CEP112: variants seen among roughly 807,000 people sequenced by gnomAD.
The protein encoded by CEP112 is centrosomal protein of 112 kDa.
A neutral mutation model predicts 153.0 loss-of-function variants in CEP112; 127 were observed. The observed-to-expected ratio is 0.83, with a 90% CI of 0.72 to 0.96. The LOEUF (loss-of-function observed/expected upper bound fraction) is 0.96. CEP112 is among the 40% of genes least tolerant of loss of function. The probability of loss-of-function intolerance (pLI) is 0.00; values close to 1 mark genes in which losing one functional copy is unlikely to be tolerated. For missense variants in CEP112, 1,089 were observed against 1,101.2 expected (o/e 0.99, Z 0.16); for synonymous variants, 358 against 374.4 (o/e 0.96, Z 0.51).
intron 1 of CEP112, among the ~76,000 whole-genome samples, chr17:66,187,208 AG>A (rs1282657515): frequency 1.3e-5 from 2 of 151,750 alleles, no homozygotes; most frequent in East Asian, 3.9e-4. Context: ...TCTCTACTTG[AG>A]TCCATTTTCC....
chr17:65,659,014 T>G (rs1218063829), intron 24 of CEP112, among the ~76,000 whole-genome samples: 2 of 19,936 alleles, frequency 1.0e-4, no homozygotes, highest in African/African-American at 6.9e-4. Flanking sequence ...AGACTCTGTC[T>G]CAAAAAAAAA....
At chr17:65,775,743 T>C (rs913660539) in intron 21 of CEP112, among the ~76,000 whole-genome samples, 6 of 152,172 alleles carry the variant, frequency 3.9e-5, no homozygotes, top group Non-Finnish European at 7.3e-5. Context: ...CCTCAAGTGA[T>C]TCACCCGCCT....
At chr17:66,110,264 G>A (rs529653923) in intron 6 of CEP112, among the ~76,000 whole-genome samples, 12 of 152,052 alleles carry the variant, frequency 7.9e-5, no homozygotes, top group African/African-American at 2.7e-4. Context: ...CCTGGGAGGC[G>A]GAGGATGCAG....
At chr17:65,640,927 C>G in intron 25 of CEP112, 37 bp downstream of exon 25, 1 of 1,215,088 alleles carries the variant, frequency 8.2e-7, no homozygotes, top group South Asian at 1.2e-5. Context: ...AGAGTATCCC[C>G]TAAATCCTTG....
rs915282828 is a variant in CEP112, at chr17:66,191,902, G to A, written c.-9+95C>T. On this transcript the variant is annotated intron_variant, in intron 1 of 26. Transcript: ENST00000535342. The surrounding 1 kb of genome is among the most constrained non-coding windows in gnomAD (Gnocchi z 4.2). ...GAGGGCGACGCCCCTTCCCGAACGG[G>A]CCCGCAAGGGCGGGGCGGCAGCCAC... The A allele has an allele frequency of 9.2e-5, 14 of 152,214 alleles. No homozygotes were observed. Among genetic ancestry groups the A allele is most frequent in the Admixed American group, 2.6e-4 (4 of 15,288 alleles). The allele number at this position is 152,214 out of a possible 1,614,324, so 9.4% of individuals were successfully genotyped here. A position where few individuals can be genotyped will look rare whatever the true frequency, so the allele number is the denominator to read the frequency against.
intron 23 of CEP112, among the ~76,000 whole-genome samples, chr17:65,728,209 T>C (rs1266800847): frequency 6.6e-6 from 1 of 152,110 alleles, no homozygotes; most frequent in Admixed American, 6.5e-5. Flanking sequence ...AGAAGGAAAA[T>C]TGTTGGTCAA....
chr17:65,841,689 G>A (rs2057523622), intron 21 of CEP112, among the ~76,000 whole-genome samples: 1 of 151,954 alleles, frequency 6.6e-6, no homozygotes, highest in African/African-American at 2.4e-5. Flanking sequence ...TGTTTGAGGT[G>A]TTAGATATCC....
intron 21 of CEP112, among the ~76,000 whole-genome samples, chr17:65,845,328 C>A (rs893535878): frequency 6.6e-6 from 1 of 151,898 alleles, no homozygotes; most frequent in Admixed American, 6.6e-5. Context: ...TCAAAAAAAA[C>A]AAAACAAAAC....
chr17:65,749,672 G>A (rs964446277), intron 22 of CEP112, among the ~76,000 whole-genome samples: 6 of 148,654 alleles, frequency 4.0e-5, no homozygotes, highest in Admixed American at 1.3e-4. Context: ...CTCAGTTTTC[G>A]CAAATGGAAA....
chr17:65,970,058 CAT>C (rs1004631575), intron 17 of CEP112, among the ~76,000 whole-genome samples: 29 of 152,198 alleles, frequency 1.9e-4, no homozygotes, highest in Non-Finnish European at 2.8e-4. Flanking sequence ...TGCCACATCA[CAT>C]GTGTATTGCA....
Position 66,056,578 on chromosome 17 carries a change from T to C in CEP112, c.1075-2699A>G, listed in dbSNP as rs572136202. 3.9e-5 allele frequency among the ~76,000 whole-genome samples: 6 copies of C among 152,336 alleles called. No homozygotes were observed. The South Asian group carries it at 8.3e-4, about 21-fold the overall frequency. Reference sequence around the variant, plus strand: ...TAAAACTGATTGAACTATTGATTCATGCTACAGTGAGGGTGAAACTTAAAA... The same window carrying C: ...TAAAACTGATTGAACTATTGATTCACGCTACAGTGAGGGTGAAACTTAAAA... On this transcript the variant is annotated intron_variant, in intron 11 of 26. Coordinates refer to ENST00000535342, the MANE Select transcript of CEP112 (RefSeq NM_001199165.4).
intron 21 of CEP112, among the ~76,000 whole-genome samples, chr17:65,793,780 A>G (rs993977805): frequency 2.6e-5 from 4 of 152,210 alleles, no homozygotes; most frequent in African/African-American, 9.7e-5. Flanking sequence ...GTTCTACAGA[A>G]AAATAGCATT....
At chr17:65,936,185 G>A (rs1321356373) in intron 18 of CEP112, among the ~76,000 whole-genome samples, 1 of 152,128 alleles carries the variant, frequency 6.6e-6, no homozygotes, top group African/African-American at 2.4e-5. Context: ...CCACGACTGA[G>A]TCATGAAGAA....
chr17:66,145,384 G>C lies in CEP112; in HGVS notation c.471-12621C>G, dbSNP rs1229697207. Among the ~76,000 whole-genome samples, 7 of 152,138 alleles carry C rather than the reference G, an allele frequency of 4.6e-5. No homozygotes were observed. In the South Asian group the frequency reaches 1.0e-3, roughly 23 times the overall value. ...CCTTTTTTAAAAAAAGGTTTAGATA[G>C]TTCAGTTTGTAAATTTTTTCTTCAT... On this transcript the variant is annotated intron_variant, in intron 4 of 26. Coordinates refer to ENST00000535342, the MANE Select transcript of CEP112 (RefSeq NM_001199165.4).
chr17:65,688,773 G>GTTT, intron 24 of CEP112: 1 of 160,822 alleles, frequency 6.2e-6, no homozygotes, highest in East Asian at 1.7e-4. Flanking sequence ...GTGTAAACTT[G>GTTT]TTTTTTTTTT....
rs1294356411 is a variant in CEP112 at position 65,851,948 on chromosome 17, C to T, written c.2250G>A (p.Glu750=). The T allele has an allele frequency of 3.7e-6, 6 of 1,614,048 alleles. No individual in the cohort carries two copies. Among genetic ancestry groups the T allele is most frequent in the African/African-American group, 1.3e-5 (1 of 74,938 alleles). The part of the protein sequence containing the change: ...VNSQRKQQLV[E]LGLLREEEKQ... Reference sequence around the variant, plus strand: ...TTTCCTCTTCACGAAGAAGACCAAGCTCTACCAGCTGCTGTTTCCGCTGTG... The same window carrying T: ...TTTCCTCTTCACGAAGAAGACCAAGTTCTACCAGCTGCTGTTTCCGCTGTG... Residue 750 remains glutamate, a synonymous_variant, in exon 21 of 27, where the codon GAG becomes GAA. Coordinates refer to ENST00000535342, the MANE Select transcript of CEP112 (RefSeq NM_001199165.4).
intron 4 of CEP112, among the ~76,000 whole-genome samples, chr17:66,163,580 GA>G (rs992344044): frequency 1.7e-4 from 25 of 151,340 alleles, no homozygotes; most frequent in African/African-American, 2.4e-4. Flanking sequence ...AAAACTAAAT[GA>G]AAAAAAATGA....
chr17:65,787,376 G>A (rs938229838), intron 21 of CEP112, among the ~76,000 whole-genome samples: 4 of 152,144 alleles, frequency 2.6e-5, no homozygotes, highest in African/African-American at 9.7e-5. Flanking sequence ...CCAGCTACTT[G>A]GGAGGCTAAG....
intron 6 of CEP112, among the ~76,000 whole-genome samples, chr17:66,123,154 G>A (rs1252411759): frequency 2.0e-5 from 3 of 152,216 alleles, no homozygotes; most frequent in African/African-American, 4.8e-5. Flanking sequence ...TAAGGACAAT[G>A]AAGGCCACAG....
Sources: allele counts gnomAD v4.1 joint callset (sites outside exome capture counted in the v4.1 genomes callset), GRCh38; gene constraint gnomAD v4.1.1; non-coding constraint Gnocchi (gnomAD v3.1); transcripts MANE v1.5; gene names NCBI Gene and HGNC (gene_info 2026-07-23, HGNC 2026-07-21).